Variants in MUC12 observed in about 807,000 individuals in gnomAD.
MUC12 encodes the protein mucin 12, cell surface associated.
In MUC12, 172 loss-of-function variants were observed where a neutral mutation model predicts 230.8. The observed-to-expected ratio is 0.75, with a 90% CI of 0.66 to 0.85. The LOEUF (loss-of-function observed/expected upper bound fraction) is 0.85, where lower values mean the gene tolerates loss of function less well. MUC12 is among the 40% of genes least tolerant of loss of function. The probability of loss-of-function intolerance (pLI) is 0.00; values close to 1 mark genes in which losing one functional copy is unlikely to be tolerated. For missense variants in MUC12, 3,506 were observed against 5,920.6 expected (o/e 0.59, Z 13.38); for synonymous variants, 1,259 against 2,401.9 (o/e 0.52, Z 13.91).
rs1793400095 is a variant in MUC12, at chr7:100,993,850, G to A, written c.3287G>A (p.Gly1096Asp). Residue 1096 changes from glycine (G) to aspartate (D), a missense_variant, in exon 2 of 12, where the codon GGC becomes GAC. Physicochemically the swap from Gly to Asp is moderately conservative, Grantham distance 94 (BLOSUM62 -1). Transcript: ENST00000536621. ...TTACCTGGCAGTACCACAACACCAG[G>A]CCTCAGTGAGGCATCTACCACCTTC... is the stretch of plus-strand genomic sequence containing the variant. ...TTLPGSTTTP[G>D]LSEASTTFYS... 16 of 1,489,756 alleles carry A rather than the reference G, an allele frequency of 1.1e-5. No homozygotes were observed. The South Asian group carries it at 1.9e-4, about 18-fold the overall frequency. The allele number at this position is 1,489,756 out of a possible 1,614,324, so 92.3% of individuals were successfully genotyped here.
Position 100,991,748 on chromosome 7 carries a change from C to G in MUC12, c.1185C>G (p.His395Gln). The G allele has an allele frequency of 6.5e-7, 1 of 1,537,992 alleles. No homozygotes were observed. The highest frequency in any genetic ancestry group is 8.7e-7 in the Non-Finnish European group (1 of 1,147,078). ...CAACTTTCCACGGCAGCACAACACA[C>G]ACAAAATCTTCAACTCCTAGCACCA... ...ESATFHGSTT[H>Q]TKSSTPSTTA... The change falls in exon 2 of 12, where the codon CAC (histidine) becomes CAG (glutamine). Residue 395 changes from histidine (H) to glutamine (Q), a missense_variant. Physicochemically the swap from His to Gln is conservative, Grantham distance 24 (BLOSUM62 0). Transcript: ENST00000536621.
At chr7:101,006,024 C>A (rs1793743556) in intron 2 of MUC12, among the ~76,000 whole-genome samples, 1 of 152,104 alleles carries the variant, frequency 6.6e-6, no homozygotes, top group South Asian at 2.1e-4. Context: ...TCTCAAACTC[C>A]TGACCTCAAG....
In MUC12 at chr7:100,991,592, AC is replaced by A. The variant is rs1260631222; in HGVS notation, c.1034del (p.Pro345HisfsTer63). ...GCAGCCCAGTTGCAACTGCAACAAC[AC>A]CCCCACCTGCCCGCTCCGCGACCTC... ...HSSPVATATT[P>X]PPARSATSGH... On this transcript the variant is annotated frameshift_variant, in exon 2 of 12. Coordinates refer to ENST00000536621, the MANE Select transcript of MUC12 (RefSeq NM_001164462.2). LOFTEE classifies it high-confidence loss of function. The A allele has an allele frequency of 2.6e-6, 4 of 1,536,684 alleles. No homozygotes were observed. Among genetic ancestry groups the A allele is most frequent in the Non-Finnish European group, 3.5e-6 (4 of 1,146,392 alleles).
In MUC12 at chr7:101,017,559, C is replaced by T. The variant is rs1482377541; in HGVS notation, c.15878-16C>T. ...CTACCAAGGCTCCCATCACTCATCA[C>T]GGCCTCTCCCTACAGACCAGAATCT... is the stretch of plus-strand genomic sequence containing the variant. On this transcript the variant is annotated splice_polypyrimidine_tract_variant and intron_variant, in intron 10 of 11. Coordinates refer to ENST00000536621, the MANE Select transcript of MUC12 (RefSeq NM_001164462.2). 2.6e-6 allele frequency: 4 copies of T among 1,516,548 alleles called. No homozygotes were observed. The highest frequency in any genetic ancestry group is 1.4e-5 in the African/African-American group (1 of 72,474). 93.9% of individuals were successfully genotyped at this position (1,516,548 alleles called of 1,614,324 possible). A position where few individuals can be genotyped will look rare whatever the true frequency, so the allele number is the denominator to read the frequency against.
In MUC12 at chr7:101,005,163, A is replaced by G; in HGVS notation, c.14600A>G (p.His4867Arg). The G allele has an allele frequency of 1.3e-6, 2 of 1,537,878 alleles. No individual in the cohort carries two copies. Among genetic ancestry groups the G allele is most frequent in the Non-Finnish European group, 1.7e-6 (2 of 1,147,044 alleles). ...PGSTETTAFS[H>R]SNTMSIHSQQ... The stretch of plus-strand genomic sequence containing the variant: ...TCAACTGAAACCACAGCGTTTTCTC[A>G]CAGCAACACAATGTCCATTCATAGT... The change falls in exon 2 of 12, where the codon CAC becomes CGC. Residue 4867 changes from histidine (H) to arginine (R), a missense_variant. By Grantham distance (29) the His-to-Arg change is conservative. Transcript: ENST00000536621.
intron 1 of MUC12, among the ~76,000 whole-genome samples, chr7:100,975,429 T>C (rs920221217): frequency 2.6e-5 from 4 of 152,312 alleles, no homozygotes; most frequent in Non-Finnish European, 5.9e-5. Context: ...TGCTTCACAA[T>C]AGACAAAGGG....
At chr7:101,014,219 C>G (rs1793881983) in intron 9 of MUC12, 145 bp downstream of exon 9, 1 of 946,210 alleles carries the variant, frequency 1.1e-6, no homozygotes. Context: ...CCAGACCCTC[C>G]CAGCCCTGGG....
intron 9 of MUC12, among the ~76,000 whole-genome samples, chr7:101,014,872 T>G (rs1793892677): frequency 6.6e-6 from 1 of 152,244 alleles, no homozygotes; most frequent in Middle Eastern, 3.4e-3. Flanking sequence ...GGTCTGAAAC[T>G]CCTGGCCTCA....
chr7:100,991,217 T>A lies in MUC12; in HGVS notation c.654T>A (p.Gly218=). ...GCACTACCACACCATCATCCCTTGG[T>A]CCAGAATCTACTACCTTCCACAGCA... The part of the protein sequence containing the change: ...SPGTTTPSSL[G]PESTTFHSSP... Residue 218 remains glycine (G), a synonymous_variant, in exon 2 of 12, where the codon GGT becomes GGA. Transcript: ENST00000536621. 6.5e-7 allele frequency: 1 copy of A among 1,537,332 alleles called. No homozygotes were observed. The highest frequency in any genetic ancestry group is 8.7e-7 in the Non-Finnish European group (1 of 1,146,858).
chr7:100,988,604 G>A (rs1199810417), intron 1 of MUC12, among the ~76,000 whole-genome samples: 1 of 152,214 alleles, frequency 6.6e-6, no homozygotes, highest in African/African-American at 2.4e-5. Flanking sequence ...TGGAGAGAAA[G>A]GACAGAGATA....
chr7:101,007,167 C>T (rs1793767284), intron 3 of MUC12, among the ~76,000 whole-genome samples: 1 of 152,166 alleles, frequency 6.6e-6, no homozygotes, highest in Admixed American at 6.6e-5. Context: ...CCATATTGGC[C>T]AGGCTGGTAT....
chr7:100,991,114 C>T lies in MUC12; in HGVS notation c.551C>T (p.Thr184Ile), dbSNP rs1793284525. Residue 184 changes from threonine to isoleucine, a missense_variant, in exon 2 of 12, where the codon ACC becomes ATC. Physicochemically the swap from Thr to Ile is moderately conservative, Grantham distance 89. Transcript: ENST00000536621. ...CACACAATAGCGTTCCCTGACAGTACCACCATGCCAGGCGTCAGTCAGGAA... is the reference window on the plus strand; with the variant it reads ...CACACAATAGCGTTCCCTGACAGTATCACCATGCCAGGCGTCAGTCAGGAA... ...PTHTIAFPDS[T>I]TMPGVSQEST... The T allele has an allele frequency of 1.3e-6, 2 of 1,537,704 alleles. No homozygotes were observed. The highest frequency in any genetic ancestry group is 2.0e-5 in the Admixed American group (1 of 50,976).
In MUC12 at chr7:101,009,116, G is replaced by C; in HGVS notation, c.15208G>C (p.Asp5070His). The C allele has an allele frequency of 6.5e-7, 1 of 1,537,884 alleles. No individual in the cohort carries two copies. Among genetic ancestry groups the C allele is most frequent in the South Asian group, 1.2e-5 (1 of 84,058 alleles). ...KNRMDVVLKG[D>H]NLPQYRGVNI... ...TCAGATGGATGTCGTTTTGAAGGGC[G>C]ACAATCTTCCTCAGTATAGAGGGGT... The change falls in exon 5 of 12, where the codon GAC becomes CAC. Residue 5070 changes from aspartate to histidine, a missense_variant. By Grantham distance (81) the Asp-to-His change is moderately conservative. Coordinates refer to ENST00000536621, the MANE Select transcript of MUC12 (RefSeq NM_001164462.2).
intron 1 of MUC12, among the ~76,000 whole-genome samples, chr7:100,990,236 T>A (rs1420399662): frequency 6.6e-6 from 1 of 152,200 alleles, no homozygotes; most frequent in Non-Finnish European, 1.5e-5. Flanking sequence ...GGCATGAGAT[T>A]CTTCCAGGAG....
At position 101,003,553 on chromosome 7, in the gene MUC12, G is replaced by A. The variant is rs1321161240; in HGVS notation, c.12990G>A (p.Gln4330=). The stretch of plus-strand genomic sequence containing the variant: ...GTCAGGGAGAATCTACCACCTTCCA[G>A]AGCTGGCCAAACTCGAAGGACACTA... ...TTRQGESTTF[Q]SWPNSKDTTP... is the part of the protein sequence containing the mutation. Residue 4330 remains glutamine (Q), a synonymous_variant, in exon 2 of 12, where the codon CAG becomes CAA. Transcript: ENST00000536621. 1.3e-6 allele frequency: 2 copies of A among 1,530,164 alleles called. No homozygotes were observed. The highest frequency in any genetic ancestry group is 2.4e-5 in the East Asian group (1 of 40,874). 94.8% of individuals were successfully genotyped at this position (1,530,164 alleles called of 1,614,324 possible).
At chr7:101,006,636 C>T in intron 3 of MUC12, 64 bp downstream of exon 3, 3 of 1,160,636 alleles carry the variant, frequency 2.6e-6, no homozygotes, top group African/African-American at 1.5e-5. Context: ...AACAGCATGG[C>T]AGTGTTGGAA....
At chr7:101,013,413 C>A (rs1203230614) in intron 8 of MUC12, among the ~76,000 whole-genome samples, 2 of 152,182 alleles carry the variant, frequency 1.3e-5, no homozygotes, top group African/African-American at 4.8e-5. Flanking sequence ...CTATCTCTAT[C>A]TCTATCTTTG....
intron 1 of MUC12, among the ~76,000 whole-genome samples, chr7:100,979,834 A>C (rs1793079746): frequency 6.6e-6 from 1 of 152,072 alleles, no homozygotes. Flanking sequence ...ATACATGTAC[A>C]CACATACATT....
chr7:101,009,742 G>A (rs563135221), intron 5 of MUC12, among the ~76,000 whole-genome samples: 2 of 152,304 alleles, frequency 1.3e-5, no homozygotes, highest in African/African-American at 4.8e-5. Context: ...GAGAGGGAAG[G>A]GAAGGAGAGG....
Sources: allele counts gnomAD v4.1 joint callset (sites outside exome capture counted in the v4.1 genomes callset), GRCh38; gene constraint gnomAD v4.1.1; transcripts MANE v1.5; gene names NCBI Gene and HGNC (gene_info 2026-07-23, HGNC 2026-07-21).